The following CPNE3 variants were observed in gnomAD, a reference collection of about 807,000 sequenced individuals.
CPNE3 encodes the protein copine 3, also known as copine-3.
CPNE3 carries 68 observed loss-of-function variants against 63.9 expected under a neutral mutation model. The ratio of observed to expected loss-of-function variants is 1.06; its 90% confidence interval spans 0.87 to 1.30. The LOEUF is 1.30. Among genes scored for constraint, CPNE3 ranks in the 50% most tolerant of loss-of-function variants. The pLI, the probability that CPNE3 is intolerant of heterozygous loss-of-function variation, is 0.00. For missense variants in CPNE3, 665 were observed against 578.1 expected (o/e 1.15, Z -1.54); for synonymous variants, 219 against 197.5 (o/e 1.11, Z -0.91).
chr8:86,525,811 T>C (rs1820529756), intron 2 of CPNE3, among the ~76,000 whole-genome samples: 1 of 152,166 alleles, frequency 6.6e-6, no homozygotes, highest in Non-Finnish European at 1.5e-5. Flanking sequence ...CTATTGTTGC[T>C]CATTCTATGT....
intron 2 of CPNE3, among the ~76,000 whole-genome samples, chr8:86,520,904 C>T (rs1820422558): frequency 6.6e-6 from 1 of 151,986 alleles, no homozygotes; most frequent in African/African-American, 2.4e-5. Context: ...CTGCCCAGTC[C>T]ATTTCTTTTG....
At chr8:86,549,260 G>C (rs1821121194) in intron 12 of CPNE3, among the ~76,000 whole-genome samples, 1 of 152,124 alleles carries the variant, frequency 6.6e-6, no homozygotes, top group Admixed American at 6.5e-5. Flanking sequence ...CCAATTTCAG[G>C]CTAGTAAGTT....
chr8:86,558,230 GA>G, intron 16 of CPNE3, 57 bp from the exon 17 acceptor site: 1 of 869,644 alleles, frequency 1.1e-6, no homozygotes. Flanking sequence ...AGTCTTTTAT[GA>G]AAAAGCCAGG....
At chr8:86,549,900 A>G (rs1821134867) in intron 12 of CPNE3, among the ~76,000 whole-genome samples, 1 of 152,236 alleles carries the variant, frequency 6.6e-6, no homozygotes, top group African/African-American at 2.4e-5. Context: ...GATCCCAGCC[A>G]TCTGATCACA....
In CPNE3 at chr8:86,554,883, T is replaced by G; in HGVS notation, c.1153T>G (p.Cys385Gly). Reference protein sequence around the residue: ...IQGIVEAYRSCLPQIKLYGPT... With the variant: ...IQGIVEAYRSGLPQIKLYGPT... Reference sequence around the variant, plus strand: ...AGGCATTGTAGAGGCGTATCGGTCTTGTCTTCCTCAGATAAAACTCTATGG... The same window carrying G: ...AGGCATTGTAGAGGCGTATCGGTCTGGTCTTCCTCAGATAAAACTCTATGG... The change falls in exon 15 of 17, where the codon TGT (cysteine) becomes GGT (glycine). Residue 385 changes from cysteine (C) to glycine (G), a missense_variant. By Grantham distance (159) the Cys-to-Gly change is radical. Transcript: ENST00000517490. 2 of 1,614,202 alleles carry G rather than the reference T, an allele frequency of 1.2e-6. No homozygotes were observed. Among genetic ancestry groups the G allele is most frequent in the Middle Eastern group, 1.6e-4 (1 of 6,062 alleles).
At chr8:86,545,062 C>A in intron 9 of CPNE3, 1 of 289,448 alleles carries the variant, frequency 3.5e-6, no homozygotes, top group Non-Finnish European at 6.3e-6. Context: ...GATGAGGACT[C>A]CAACTACATG....
Position 86,530,962 on chromosome 8 carries a change from G to C in CPNE3, c.313-193G>C, listed in dbSNP as rs560230672. Among the ~76,000 whole-genome samples, 3 of 152,210 alleles carry C rather than the reference G, an allele frequency of 2.0e-5. No individual in the cohort carries two copies. In the East Asian group the frequency reaches 5.8e-4, roughly 29 times the overall value. On this transcript the variant is annotated intron_variant, in intron 4 of 16. Transcript: ENST00000517490. ...CCGCCTCAGCCTCCCAAAGTGCTGGGATTACAGGCATGAGCCACTGCACCT... is the reference window on the plus strand; with the variant it reads ...CCGCCTCAGCCTCCCAAAGTGCTGGCATTACAGGCATGAGCCACTGCACCT...
chr8:86,529,949 T>G (rs867642580), intron 4 of CPNE3, among the ~76,000 whole-genome samples: 11 of 152,238 alleles, frequency 7.2e-5, no homozygotes, highest in Middle Eastern at 3.4e-3. Flanking sequence ...TTCTGAAACT[T>G]TGATAAATAA....
chr8:86,557,737 G>A (rs956355765), intron 16 of CPNE3, among the ~76,000 whole-genome samples: 5 of 151,798 alleles, frequency 3.3e-5, no homozygotes, highest in African/African-American at 1.2e-4. Context: ...GAATTATACA[G>A]AAACAAACAC....
At chr8:86,534,976 C>G (rs145746299) in intron 6 of CPNE3, among the ~76,000 whole-genome samples, 1 of 152,190 alleles carries the variant, frequency 6.6e-6, no homozygotes, top group Non-Finnish European at 1.5e-5. Context: ...GATTACTTCT[C>G]ATAGATACTT....
chr8:86,544,719 T>A, intron 8 of CPNE3, 21 bp from the exon 9 acceptor site: 1 of 1,217,402 alleles, frequency 8.2e-7, no homozygotes, highest in Non-Finnish European at 1.1e-6. Context: ...TTTTATATAT[T>A]TTTATTATAT....
chr8:86,539,199 TAG>T (rs1820872712), intron 7 of CPNE3, among the ~76,000 whole-genome samples: 2 of 152,240 alleles, frequency 1.3e-5, no homozygotes, highest in Non-Finnish European at 2.9e-5. Context: ...CATGTTTGAC[TAG>T]AGAGAGCTCG....
chr8:86,526,686 T>C (rs928626898), intron 2 of CPNE3, among the ~76,000 whole-genome samples: 11 of 152,102 alleles, frequency 7.2e-5, no homozygotes, highest in Non-Finnish European at 4.4e-5. Flanking sequence ...CTAGTTTTTG[T>C]ATTTTAGTAG....
chr8:86,528,605 T>TAAA lies in CPNE3; in HGVS notation c.61_63dup (p.Lys21dup), dbSNP rs1820594045. 2 of 1,613,974 alleles carry TAAA rather than the reference T, an allele frequency of 1.2e-6. No homozygotes were observed. The highest frequency in any genetic ancestry group is 1.7e-6 in the Non-Finnish European group (2 of 1,180,012). On this transcript the variant is annotated inframe_insertion, in exon 3 of 17. Transcript: ENST00000517490. ...ATGTTTCCTGTGCCAATCTTTTGGA[T>TAAA]AAAGATATAGGGTCAAAGTCAGACC...
At chr8:86,517,895 A>G (rs1047914487) in intron 2 of CPNE3, among the ~76,000 whole-genome samples, 3 of 152,226 alleles carry the variant, frequency 2.0e-5, no homozygotes, top group African/African-American at 7.2e-5. Context: ...TAATAGTACT[A>G]TTAAACTGCT....
In CPNE3 at chr8:86,559,010, G is replaced by A. The variant is rs984672636; in HGVS notation, c.*600G>A. ...TGGGACTTTATGAAAAGTACTGAAT[G>A]AGCAGGAAAAGGCACATACTCAGTT... On this transcript the variant is annotated 3_prime_UTR_variant, in exon 17 of 17. Coordinates refer to ENST00000517490, the MANE Select transcript of CPNE3 (RefSeq NM_003909.5). 2.0e-5 allele frequency: 3 copies of A among 152,206 alleles called. No homozygotes were observed. The highest frequency in any genetic ancestry group is 4.4e-5 in the Non-Finnish European group (3 of 68,038). 9.4% of individuals were successfully genotyped at this position (152,206 alleles called of 1,614,324 possible). A position where few individuals can be genotyped will look rare whatever the true frequency, so the allele number is the denominator to read the frequency against.
intron 6 of CPNE3, among the ~76,000 whole-genome samples, chr8:86,533,977 A>C (rs888258693): frequency 6.6e-6 from 1 of 152,100 alleles, no homozygotes; most frequent in Non-Finnish European, 1.5e-5. Context: ...TTCCACGTTC[A>C]AGTTGGGCAC....
chr8:86,528,371 C>T (rs1442489795), intron 2 of CPNE3, among the ~76,000 whole-genome samples, 165 bp from the exon 3 acceptor site: 6 of 152,190 alleles, frequency 3.9e-5, no homozygotes, highest in Admixed American at 3.9e-4. Flanking sequence ...AGCTAATAGA[C>T]ACCCACATCC....
intron 14 of CPNE3, among the ~76,000 whole-genome samples, chr8:86,552,144 C>CT (rs1392862118): frequency 2.0e-5 from 3 of 152,220 alleles, no homozygotes; most frequent in African/African-American, 7.2e-5. Context: ...AGACAATACT[C>CT]TAATTTTCTG....
Sources: allele counts gnomAD v4.1 joint callset (sites outside exome capture counted in the v4.1 genomes callset), GRCh38; gene constraint gnomAD v4.1.1; transcripts MANE v1.5; gene names NCBI Gene and HGNC (gene_info 2026-07-23, HGNC 2026-07-21).